ASAH2: variants seen among roughly 807,000 people sequenced by gnomAD.
ASAH2 encodes N-acylsphingosine amidohydrolase 2.
A neutral mutation model predicts 82.9 loss-of-function variants in ASAH2; 58 were observed. That is an observed-to-expected ratio of 0.70 (90% CI 0.57 to 0.87). The LOEUF is 0.87. Ranked by LOEUF, ASAH2 falls within the 40% of genes least tolerant of loss-of-function variation. The probability of loss-of-function intolerance (pLI) is 0.00; values close to 1 mark genes in which losing one functional copy is unlikely to be tolerated. For missense variants in ASAH2, 779 were observed against 834.0 expected, an observed-to-expected ratio of 0.93 and a Z score of 0.81; for synonymous variants, 276 against 289.7, an observed-to-expected ratio of 0.95 and a Z score of 0.48.
chr10:50,227,352 T>C (rs1278461805), intron 7 of ASAH2, among the ~76,000 whole-genome samples: 3 of 17,428 alleles, frequency 1.7e-4, no homozygotes, highest in African/African-American at 2.8e-4. Context: ...TTTGCAGTGA[T>C]GGAGATAACA....
chr10:50,246,467 G>A (rs891002403), intron 2 of ASAH2, among the ~76,000 whole-genome samples: 3 of 152,090 alleles, frequency 2.0e-5, no homozygotes, highest in African/African-American at 4.8e-5. Flanking sequence ...GAGTTGCCAA[G>A]GCATCAAATA....
chr10:50,210,913 A>G lies in ASAH2; in HGVS notation c.1333-9T>C. On this transcript the variant is annotated splice_polypyrimidine_tract_variant and intron_variant, in intron 11 of 20. Transcript: ENST00000682911. Reference sequence around the variant, plus strand: ...GGTTTACATGTTTTTGACTAAAGGAAAAGTTTTAAAAACAAAACAAAAATG... The same window carrying G: ...GGTTTACATGTTTTTGACTAAAGGAGAAGTTTTAAAAACAAAACAAAAATG... The G allele has an allele frequency of 6.2e-7, 1 of 1,612,834 alleles. No individual in the cohort carries two copies. Among genetic ancestry groups the G allele is most frequent in the African/African-American group, 1.3e-5 (1 of 75,022 alleles).
chr10:50,232,470 C>T (rs1000068786), intron 7 of ASAH2, among the ~76,000 whole-genome samples: 3 of 152,118 alleles, frequency 2.0e-5, no homozygotes, highest in African/African-American at 7.2e-5. Context: ...GGCATGTCTG[C>T]ATCATTTGCA....
chr10:50,249,892 G>T (rs1846571397), intron 1 of ASAH2, among the ~76,000 whole-genome samples: 1 of 152,052 alleles, frequency 6.6e-6, no homozygotes. Context: ...CCCAGGATTT[G>T]CCCCCAAAAT....
Position 50,245,459 on chromosome 10 carries a change from A to C in ASAH2, c.128-5T>G. 6.2e-7 allele frequency: 1 copy of C among 1,608,772 alleles called. No homozygotes were observed. The highest frequency in any genetic ancestry group is 8.5e-7 in the Non-Finnish European group (1 of 1,176,848). ...AAAAAAAATGGCCTCCTAAATCTAA[A>C]ACAGAATAAGAGATTTGAGAAACAA... is the stretch of plus-strand genomic sequence containing the variant. On this transcript the variant is annotated splice_region_variant and splice_polypyrimidine_tract_variant and intron_variant, in intron 2 of 20. Coordinates refer to ENST00000682911, the MANE Select transcript of ASAH2 (RefSeq NM_019893.4).
At position 50,211,052 on chromosome 10, in the gene ASAH2, A is replaced by G. The variant is rs1339213111; in HGVS notation, c.1310T>C (p.Val437Ala). The G allele has an allele frequency of 1.9e-6, 3 of 1,613,628 alleles. No individual in the cohort carries two copies. The highest frequency in any genetic ancestry group is 2.7e-5 in the African/African-American group (2 of 74,934). Residue 437 changes from valine to alanine, a missense_variant, in exon 11 of 21, where the codon GTC (valine) becomes GCC (alanine). Physicochemically the swap from Val to Ala is moderately conservative, Grantham distance 64. Around this residue, in one of 3 missense-constraint regions of ASAH2, gnomAD observed 759 missense variants for 755.2 expected, o/e 1.00. Coordinates refer to ENST00000682911, the MANE Select transcript of ASAH2 (RefSeq NM_019893.4). ...TACTGCATGTGTGGAATTGAGCCAGACAGTCACATCTGTCATATCCACCCA... is the reference window on the plus strand; with the variant it reads ...TACTGCATGTGTGGAATTGAGCCAGGCAGTCACATCTGTCATATCCACCCA... Reference protein sequence around the residue: ...HQWVDMTDVTVWLNSTHASKT... With the variant: ...HQWVDMTDVTAWLNSTHASKT...
chr10:50,221,153 G>A (rs1459387844), intron 7 of ASAH2, among the ~76,000 whole-genome samples: 1 of 152,126 alleles, frequency 6.6e-6, no homozygotes, highest in Non-Finnish European at 1.5e-5. Flanking sequence ...TTATTTGCAA[G>A]GTGTTTACAT....
chr10:50,203,689 G>A lies in ASAH2; in HGVS notation c.1626-10C>T. On this transcript the variant is annotated splice_polypyrimidine_tract_variant and intron_variant, in intron 14 of 20. Transcript: ENST00000682911. ...TCGTCCAGACATGGTCCTGAGTCAA[G>A]AAAAAAATTATGTAAACGTTTTCCT... 1 of 1,612,072 alleles carries A rather than the reference G, an allele frequency of 6.2e-7. No homozygotes were observed.
intron 14 of ASAH2, 113 bp downstream of exon 14, chr10:50,204,748 T>C (rs1845249665): frequency 1.2e-6 from 1 of 843,012 alleles, no homozygotes; most frequent in Non-Finnish European, 2.0e-6. Context: ...CACCAAACAG[T>C]ACAGTAGGAT....
At chr10:50,236,770 T>A (rs1185642235) in intron 4 of ASAH2, among the ~76,000 whole-genome samples, 3 of 152,190 alleles carry the variant, frequency 2.0e-5, no homozygotes, top group Admixed American at 6.5e-5. Context: ...TATACAAAAG[T>A]TAAATAATTT....
chr10:50,200,885 T>C (rs1405012920), intron 16 of ASAH2, among the ~76,000 whole-genome samples: 2 of 152,130 alleles, frequency 1.3e-5, no homozygotes, highest in Non-Finnish European at 2.9e-5. Context: ...TGGAAACCTG[T>C]GGCCCTAAAC....
chr10:50,245,448 C>T lies in ASAH2; in HGVS notation c.134G>A (p.Gly45Glu), dbSNP rs1359038486. ...SGTIENHKDLGGHFFSTTQSP... is the reference protein window; with the variant it reads ...SGTIENHKDLEGHFFSTTQSP... ...TTGGGTGGTTGAAAAAAAATGGCCT[C>T]CTAAATCTAAAACAGAATAAGAGAT... Residue 45 changes from glycine to glutamate, a missense_variant, in exon 3 of 21, where the codon GGA becomes GAA. Gly to Glu is a moderately conservative substitution (Grantham distance 98). Coordinates refer to ENST00000682911, the MANE Select transcript of ASAH2 (RefSeq NM_019893.4). 4 of 1,612,112 alleles carry T rather than the reference C, an allele frequency of 2.5e-6. No individual in the cohort carries two copies. The Admixed American group carries it at 5.0e-5, about 20-fold the overall frequency.
chr10:50,213,134 T>C, intron 9 of ASAH2, 76 bp from the exon 10 acceptor site: 1 of 1,287,432 alleles, frequency 7.8e-7, no homozygotes, highest in South Asian at 1.2e-5. Context: ...TATAACTGAA[T>C]CTAAGCAAAT....
chr10:50,234,576 T>C (rs1019867713), intron 5 of ASAH2, 24 bp from the exon 6 acceptor site: 45 of 1,612,346 alleles, frequency 2.8e-5, no homozygotes, highest in Non-Finnish European at 4.2e-6. Flanking sequence ...AAGAGGGGGA[T>C]GTTATAAGCT....
intron 7 of ASAH2, among the ~76,000 whole-genome samples, chr10:50,223,616 T>C (rs1180243475): frequency 1.3e-5 from 2 of 152,194 alleles, no homozygotes; most frequent in African/African-American, 4.8e-5. Flanking sequence ...TATAGGAGGC[T>C]GTAATGGGTT....
chr10:50,218,513 T>C lies in ASAH2; in HGVS notation c.1011A>G (p.Gly337=). ...EQEKNKGYLP[G]QGPFVAAFAS... Reference sequence around the variant, plus strand: ...TTTCAATGATATAAATTCTCACCTGTCCAGGTAGATATCCTTTGTTCTTCT... The same window carrying C: ...TTTCAATGATATAAATTCTCACCTGCCCAGGTAGATATCCTTTGTTCTTCT... The change falls in exon 8 of 21, where the codon GGA becomes GGG. Residue 337 remains glycine, a synonymous_variant. Transcript: ENST00000682911. 1 of 1,613,736 alleles carries C rather than the reference T, an allele frequency of 6.2e-7. No individual in the cohort carries two copies. The highest frequency in any genetic ancestry group is 8.5e-7 in the Non-Finnish European group (1 of 1,179,740).
chr10:50,211,459 G>A (rs1353093425), intron 10 of ASAH2, among the ~76,000 whole-genome samples: 1 of 152,100 alleles, frequency 6.6e-6, no homozygotes, highest in Non-Finnish European at 1.5e-5. Flanking sequence ...GGAATAACTG[G>A]ACCAAAATAC....
At chr10:50,223,578 C>T (rs996390962) in intron 7 of ASAH2, among the ~76,000 whole-genome samples, 5 of 152,244 alleles carry the variant, frequency 3.3e-5, no homozygotes, top group South Asian at 4.2e-4. Context: ...AGATTCATAG[C>T]AACATGGGAG....
Position 50,187,454 on chromosome 10 carries a change from C to A in ASAH2, c.2204G>T (p.Trp735Leu). 1 of 290,988 alleles carries A rather than the reference C, an allele frequency of 3.4e-6. No individual in the cohort carries two copies. Among genetic ancestry groups the A allele is most frequent in the Non-Finnish European group, 5.9e-6 (1 of 169,766 alleles). 18.0% of individuals were successfully genotyped at this position (290,988 alleles called of 1,614,324 possible). ...LLGLSNATVE[W>L]HIPDTAQPGI... ...AGGCTGGGCAGTGTCTGGAATATGC[C>A]ATTCCACTGTTGCATTACTCAGACC... The change falls in exon 21 of 21, where the codon TGG becomes TTG. Residue 735 changes from tryptophan to leucine, a missense_variant. Around this residue, in one of 3 missense-constraint regions of ASAH2, gnomAD observed 14 missense variants for 16.2 expected, o/e 0.87. Transcript: ENST00000682911.
Sources: gnomAD v4.1 joint callset for allele counts (sites outside exome capture counted in the v4.1 genomes callset) on GRCh38, gnomAD v4.1.1 for gene constraint, gnomAD v4.1.1 regional missense constraint, MANE v1.5 for transcripts, NCBI Gene and HGNC (gene_info 2026-07-23, HGNC 2026-07-21) for gene names.